SNAP23: variants seen among roughly 807,000 people sequenced by gnomAD.
The protein encoded by SNAP23 is synaptosomal-associated protein 23.
A neutral mutation model predicts 29.0 loss-of-function variants in SNAP23; 11 were observed. The observed-to-expected ratio is 0.38, with a 90% CI of 0.24 to 0.63. The LOEUF (loss-of-function observed/expected upper bound fraction) is 0.63. SNAP23 is among the 20% of genes least tolerant of loss of function. The pLI is 0.58. For missense variants in SNAP23, 220 were observed against 253.9 expected (o/e 0.87, Z 0.91); for synonymous variants, 60 against 82.9 (o/e 0.72, Z 1.50).
Position 42,503,057 on chromosome 15 carries a change from G to C in SNAP23, c.-15+7344G>C, listed in dbSNP as rs115473955. ...TCCTGCCTCAGCTTCCTGAGTAGCT[G>C]GGACTATAGGCCTGAAAATGTAATT... On this transcript the variant is annotated intron_variant, in intron 1 of 7. Coordinates refer to ENST00000249647, the MANE Select transcript of SNAP23 (RefSeq NM_003825.4). Among the ~76,000 whole-genome samples the C allele has an allele frequency of 8.9e-3, 1,356 of 152,218 alleles. 15 individuals carry two copies. The highest frequency in any genetic ancestry group is 0.031 in the African/African-American group (1,299 of 41,536).
At chr15:42,512,802 G>A (rs4573906) in intron 2 of SNAP23, among the ~76,000 whole-genome samples, 153 bp from the exon 3 acceptor site, 86,855 of 151,580 alleles carry the variant, frequency 0.57, 29,987 homozygotes, top group East Asian at 0.79. Flanking sequence ...CTCCTGCCTC[G>A]GCCTCCCAAA....
rs1313070787 is a variant in SNAP23, at chr15:42,515,340, C to T, written c.252C>T (p.Val84=). The change falls in exon 5 of 8, where the codon GTC becomes GTT. Residue 84 remains valine (V), a synonymous_variant. Transcript: ENST00000249647. ...TCAACAAATGCTGTGGCCTTTGTGT[C>T]TGCCCATGTAATAGGTGAGTTGATA... The part of the protein sequence containing the change: ...TELNKCCGLC[V]CPCNRTKNFE... 5 of 1,597,626 alleles carry T rather than the reference C, an allele frequency of 3.1e-6. No homozygotes were observed. In the African/African-American group the frequency reaches 4.0e-5, roughly 13 times the overall value.
Position 42,515,347 on chromosome 15 carries a change from T to C in SNAP23, c.259T>C (p.Cys87Arg), listed in dbSNP as rs1026085992. Residue 87 changes from cysteine (C) to arginine (R), a missense_variant, in exon 5 of 8, where the codon TGT becomes CGT. By Grantham distance (180) the Cys-to-Arg change is radical. Coordinates refer to ENST00000249647, the MANE Select transcript of SNAP23 (RefSeq NM_003825.4). ...ATGCTGTGGCCTTTGTGTCTGCCCA[T>C]GTAATAGGTGAGTTGATAAATTAAG... ...NKCCGLCVCP[C>R]NRTKNFESGK... 2 of 1,578,306 alleles carry C rather than the reference T, an allele frequency of 1.3e-6. No individual in the cohort carries two copies. Among genetic ancestry groups the C allele is most frequent in the Non-Finnish European group, 1.7e-6 (2 of 1,153,276 alleles).
At chr15:42,514,225 C>G (rs888428076) in intron 4 of SNAP23, among the ~76,000 whole-genome samples, 2 of 151,910 alleles carry the variant, frequency 1.3e-5, no homozygotes, top group Admixed American at 1.3e-4. Context: ...CCAGGATCCT[C>G]TACCTCCCAC....
At position 42,528,431 on chromosome 15, in the gene SNAP23, T is replaced by TC; in HGVS notation, c.425+13dup. On this transcript the variant is annotated intron_variant, in intron 6 of 7. Coordinates refer to ENST00000249647, the MANE Select transcript of SNAP23 (RefSeq NM_003825.4). The stretch of plus-strand genomic sequence containing the variant: ...TGGATACATTAAACGGTATGCCAAC[T>TC]CCTCCTGATATTCCTGTACCTTTCT... 6.2e-7 allele frequency: 1 copy of TC among 1,613,758 alleles called. No individual in the cohort carries two copies. The highest frequency in any genetic ancestry group is 8.5e-7 in the Non-Finnish European group (1 of 1,179,682).
At chr15:42,501,382 A>C (rs532366153) in intron 1 of SNAP23, among the ~76,000 whole-genome samples, 1 of 152,234 alleles carries the variant, frequency 6.6e-6, no homozygotes, top group East Asian at 1.9e-4. Flanking sequence ...CACAAATGAG[A>C]ATCAGGGTGT....
intron 1 of SNAP23, among the ~76,000 whole-genome samples, chr15:42,499,523 A>AT (rs1237217426): frequency 6.6e-6 from 1 of 152,006 alleles, no homozygotes; most frequent in Non-Finnish European, 1.5e-5. Flanking sequence ...TACTGTTGTT[A>AT]TTTTACTTCA....
intron 5 of SNAP23, among the ~76,000 whole-genome samples, chr15:42,518,843 T>C (rs1343550312): frequency 6.6e-6 from 1 of 152,188 alleles, no homozygotes; most frequent in Non-Finnish European, 1.5e-5. Context: ...TTACTTGCTG[T>C]AGATATTAAT....
chr15:42,515,440 G>T, intron 5 of SNAP23, 86 bp downstream of exon 5: 1 of 742,418 alleles, frequency 1.3e-6, no homozygotes, highest in South Asian at 1.8e-5. Context: ...AGTATGACTG[G>T]GCTTAATGAG....
chr15:42,512,061 T>G (rs952176712), intron 2 of SNAP23, 158 bp downstream of exon 2: 7 of 408,820 alleles, frequency 1.7e-5, no homozygotes, highest in Non-Finnish European at 2.6e-5. Flanking sequence ...TATTTTCTTT[T>G]TAACTCACCA....
intron 5 of SNAP23, among the ~76,000 whole-genome samples, chr15:42,526,365 AG>A (rs1283991804): frequency 2.0e-5 from 3 of 152,244 alleles, no homozygotes; most frequent in African/African-American, 7.2e-5. Flanking sequence ...AAAACAGCAT[AG>A]AAACATAATT....
In SNAP23 at chr15:42,517,304, T is replaced by C. The variant is rs75726532; in HGVS notation, c.266+1950T>C. On this transcript the variant is annotated intron_variant, in intron 5 of 7. Coordinates refer to ENST00000249647, the MANE Select transcript of SNAP23 (RefSeq NM_003825.4). ...CAAACAAGTTAAAATGTACAGATTA[T>C]TTGATACAAACTCTTAGCTATGTTT... Among the ~76,000 whole-genome samples the C allele has an allele frequency of 9.4e-3, 1,425 of 152,342 alleles. 16 individuals are homozygous for C. Among genetic ancestry groups the C allele is most frequent in the African/African-American group, 0.033 (1,363 of 41,580 alleles).
intron 1 of SNAP23, among the ~76,000 whole-genome samples, chr15:42,499,034 G>C (rs1374053227): frequency 6.7e-6 from 1 of 150,296 alleles, no homozygotes; most frequent in Non-Finnish European, 1.5e-5. Context: ...ATGAACTTAG[G>C]TACAATACAC....
At chr15:42,523,167 G>A (rs1260452795) in intron 5 of SNAP23, among the ~76,000 whole-genome samples, 2 of 147,026 alleles carry the variant, frequency 1.4e-5, no homozygotes, top group East Asian at 2.0e-4. Context: ...TGAATGAGAC[G>A]TTTAAGTGGG....
At chr15:42,521,460 T>C (rs1469296707) in intron 5 of SNAP23, 1 of 982,828 alleles carries the variant, frequency 1.0e-6, no homozygotes, top group African/African-American at 1.7e-5. Flanking sequence ...TCTCAGATGT[T>C]GGTTGTTTCT....
chr15:42,504,179 A>G (rs2057299416), intron 1 of SNAP23, among the ~76,000 whole-genome samples: 2 of 151,518 alleles, frequency 1.3e-5, no homozygotes, highest in African/African-American at 4.9e-5. Flanking sequence ...AAAAAAAAAT[A>G]ATAATATAAT....
intron 1 of SNAP23, among the ~76,000 whole-genome samples, chr15:42,501,111 G>A (rs545792072): frequency 6.6e-6 from 1 of 152,238 alleles, no homozygotes; most frequent in South Asian, 2.1e-4. Flanking sequence ...GGCTGAAGTA[G>A]GAGCATCAGT....
chr15:42,493,237 G>A (rs2057189131), upstream of SNAP23, among the ~76,000 whole-genome samples: 1 of 152,118 alleles, frequency 6.6e-6, no homozygotes, highest in African/African-American at 2.4e-5. Context: ...AGCTACTCAG[G>A]AGGCTGAGGT....
chr15:42,509,471 G>A (rs1248792202), intron 1 of SNAP23, among the ~76,000 whole-genome samples: 87 of 140,212 alleles, frequency 6.2e-4, no homozygotes, highest in Non-Finnish European at 1.1e-3. Context: ...ATGGAGTCTC[G>A]CTCTGTCACC....
Sources: allele counts gnomAD v4.1 joint callset (sites outside exome capture counted in the v4.1 genomes callset), GRCh38; gene constraint gnomAD v4.1.1; transcripts MANE v1.5; gene names NCBI Gene and HGNC (gene_info 2026-07-23, HGNC 2026-07-21).